Variants in CNTN5 observed in about 807,000 individuals in gnomAD.
The protein encoded by CNTN5 is contactin 5.
A neutral mutation model predicts 129.1 loss-of-function variants in CNTN5; 77 were observed. That is an observed-to-expected ratio of 0.60 (90% CI 0.50 to 0.72). The LOEUF is 0.72. Among genes scored for constraint, CNTN5 ranks in the 30% least tolerant of loss-of-function variants. CNTN5 has a pLI of 0.00. For synonymous variants in CNTN5, 509 were observed against 465.6 expected (o/e 1.09, Z -1.20); for missense variants, 1,478 against 1,328.8 (o/e 1.11, Z -1.75).
At chr11:99,908,698 G>A (rs1041117130) in intron 6 of CNTN5, among the ~76,000 whole-genome samples, 2 of 152,060 alleles carry the variant, frequency 1.3e-5, no homozygotes, top group African/African-American at 4.8e-5. Flanking sequence ...CAGTGTTGAA[G>A]TAGCTTTTTG....
chr11:99,073,019 T>C (rs1222415301), intron 1 of CNTN5, among the ~76,000 whole-genome samples: 1 of 152,192 alleles, frequency 6.6e-6, no homozygotes, highest in African/African-American at 2.4e-5. Flanking sequence ...TTGCTGAATG[T>C]TATATTTGAG....
chr11:99,171,866 A>G (rs1265324029), intron 1 of CNTN5, among the ~76,000 whole-genome samples: 1 of 152,164 alleles, frequency 6.6e-6, no homozygotes, highest in Non-Finnish European at 1.5e-5. Flanking sequence ...GAATACTTTG[A>G]GGATTTTAGT....
At chr11:99,871,116 G>A (rs1360102398) in intron 6 of CNTN5, among the ~76,000 whole-genome samples, 1 of 151,998 alleles carries the variant, frequency 6.6e-6, no homozygotes. Flanking sequence ...AAATTTCACA[G>A]TTACATGTTA....
At chr11:100,013,109 C>G (rs1296902655) in intron 9 of CNTN5, among the ~76,000 whole-genome samples, 2 of 152,124 alleles carry the variant, frequency 1.3e-5, no homozygotes, top group Non-Finnish European at 2.9e-5. Context: ...ACCACATGTT[C>G]TCACTTACAA....
At chr11:99,594,095 A>C (rs1345185214) in intron 3 of CNTN5, among the ~76,000 whole-genome samples, 1 of 152,150 alleles carries the variant, frequency 6.6e-6, no homozygotes, top group Non-Finnish European at 1.5e-5. Context: ...TTCTGCCTAG[A>C]ATAGTCTCTA....
intron 3 of CNTN5, among the ~76,000 whole-genome samples, chr11:99,742,002 C>A (rs1393706474): frequency 1.3e-5 from 2 of 152,000 alleles, no homozygotes; most frequent in African/African-American, 2.4e-5. Context: ...TGAGGAAAAT[C>A]AGATTTTTCA....
chr11:99,541,969 A>G (rs1212254076), intron 2 of CNTN5, among the ~76,000 whole-genome samples: 1 of 115,156 alleles, frequency 8.7e-6, no homozygotes, highest in African/African-American at 3.3e-5. Context: ...AAAAAAAAAA[A>G]AAAAAAAAAA....
rs560239789 is a variant in CNTN5, at chr11:99,656,734, C to A, written c.55+100465C>A. ...CTGGAAGCCAAGAGCAACAAGGCTG[C>A]AAAACACCAGGAAAACAGGAGATCA... On this transcript the variant is annotated intron_variant, in intron 3 of 24. Transcript: ENST00000524871. Among the ~76,000 whole-genome samples, 12 of 152,194 alleles carry A rather than the reference C, an allele frequency of 7.9e-5. No individual in the cohort carries two copies. The South Asian group carries it at 2.3e-3, about 29-fold the overall frequency.
chr11:100,177,683 T>G (rs141958038), intron 13 of CNTN5, among the ~76,000 whole-genome samples: 304 of 152,258 alleles, frequency 2.0e-3, no homozygotes, highest in African/African-American at 6.6e-3. Flanking sequence ...ATAATTGTCT[T>G]TCCTTTTAAA....
chr11:99,201,022 CTTTTTTTTTTT>C (rs755605041), intron 1 of CNTN5, among the ~76,000 whole-genome samples: 2 of 83,172 alleles, frequency 2.4e-5, no homozygotes, highest in Non-Finnish European at 4.5e-5. Context: ...TCCTTCCTTC[CTTTTTTTTTTT>C]TTTTTTTTTT....
intron 1 of CNTN5, among the ~76,000 whole-genome samples, chr11:99,301,400 G>A (rs1228008118): frequency 6.6e-6 from 1 of 151,566 alleles, no homozygotes; most frequent in Non-Finnish European, 1.5e-5. Flanking sequence ...AATCATAGTA[G>A]ATATGCCCAT....
intron 9 of CNTN5, among the ~76,000 whole-genome samples, chr11:100,023,428 C>A (rs1254210473): frequency 6.6e-6 from 1 of 152,166 alleles, no homozygotes; most frequent in Non-Finnish European, 1.5e-5. Flanking sequence ...TCTGCCCCTA[C>A]ACATTCTCAG....
chr11:99,551,629 T>A (rs1345549659), intron 2 of CNTN5, among the ~76,000 whole-genome samples: 1 of 152,172 alleles, frequency 6.6e-6, no homozygotes, highest in African/African-American at 2.4e-5. Context: ...GTGAACACTG[T>A]AGAGTTTATT....
intron 13 of CNTN5, among the ~76,000 whole-genome samples, chr11:100,134,592 G>C (rs1565273854): frequency 6.6e-6 from 1 of 151,958 alleles, no homozygotes; most frequent in Non-Finnish European, 1.5e-5. Context: ...TGTAAATCAG[G>C]GGCTGTTATT....
intron 3 of CNTN5, among the ~76,000 whole-genome samples, chr11:99,658,686 A>C (rs190522597): frequency 4.5e-4 from 66 of 145,446 alleles, no homozygotes; most frequent in African/African-American, 1.5e-3. Flanking sequence ...AGCCTGACAA[A>C]CATAGTGAAA....
At chr11:99,496,347 C>T (rs868632768) in intron 2 of CNTN5, among the ~76,000 whole-genome samples, 4 of 152,088 alleles carry the variant, frequency 2.6e-5, no homozygotes, top group African/African-American at 9.7e-5. Context: ...GATCTCGGCT[C>T]ACTGCAGTGA....
At chr11:99,557,761 A>C (rs917531919) in intron 3 of CNTN5, among the ~76,000 whole-genome samples, 3 of 151,740 alleles carry the variant, frequency 2.0e-5, no homozygotes, top group Non-Finnish European at 4.4e-5. Flanking sequence ...ATTATGCTCC[A>C]AAACATTATT....
At chr11:99,754,603 T>A (rs907194237) in intron 3 of CNTN5, among the ~76,000 whole-genome samples, 4 of 152,208 alleles carry the variant, frequency 2.6e-5, no homozygotes, top group South Asian at 2.1e-4. Flanking sequence ...TTAAATAGAC[T>A]GTTTCTTAAA....
chr11:100,144,799 C>T (rs536083315), intron 13 of CNTN5, among the ~76,000 whole-genome samples: 2 of 148,900 alleles, frequency 1.3e-5, no homozygotes, highest in Admixed American at 6.7e-5. Flanking sequence ...TCTTGTATTT[C>T]ATAATAAAGC....
Sources: allele counts gnomAD v4.1 joint callset (sites outside exome capture counted in the v4.1 genomes callset), GRCh38; gene constraint gnomAD v4.1.1; transcripts MANE v1.5; gene names NCBI Gene and HGNC (gene_info 2026-07-23, HGNC 2026-07-21).